Variants in PLEKHA4 observed in about 807,000 individuals in gnomAD.
PLEKHA4 encodes the protein pleckstrin homology domain containing A4.
A neutral mutation model predicts 94.7 loss-of-function variants in PLEKHA4; 73 were observed. The ratio of observed to expected loss-of-function variants is 0.77; its 90% CI spans 0.64 to 0.94. The LOEUF (loss-of-function observed/expected upper bound fraction) is 0.94. PLEKHA4 is among the 40% of genes least tolerant of loss of function. The pLI is 0.00. For synonymous variants in PLEKHA4, 449 were observed against 437.1 expected (o/e 1.03, Z -0.34); for missense variants, 1,049 against 1,054.1 (o/e 1.00, Z 0.07).
At chr19:48,863,524 G>A (rs1428355616) in intron 3 of PLEKHA4, among the ~76,000 whole-genome samples, 2 of 150,770 alleles carry the variant, frequency 1.3e-5, no homozygotes, top group African/African-American at 2.4e-5. Context: ...TCCACCTCCT[G>A]GGTTCACGCC....
At position 48,857,504 on chromosome 19, in the gene PLEKHA4, G is replaced by T; in HGVS notation, c.973-8C>A. ...GGGGGAGCCAGAGTGTGCCTGGGAG[G>T]AACGTTGAAATGGAGATGTTTAGAA... On this transcript the variant is annotated splice_polypyrimidine_tract_variant and splice_region_variant and intron_variant, in intron 8 of 19. Transcript: ENST00000263265. The T allele has an allele frequency of 6.5e-7, 1 of 1,537,290 alleles. No homozygotes were observed. The highest frequency in any genetic ancestry group is 8.9e-7 in the Non-Finnish European group (1 of 1,125,926).
At chr19:48,856,103 G>C (rs958598711) in intron 9 of PLEKHA4, among the ~76,000 whole-genome samples, 63 of 150,992 alleles carry the variant, frequency 4.2e-4, no homozygotes, top group Non-Finnish European at 8.4e-4. Flanking sequence ...ACCCAGGAGG[G>C]GAGGTTGCGG....
chr19:48,859,952 T>A (rs1415206023), intron 6 of PLEKHA4: 1 of 578,874 alleles, frequency 1.7e-6, no homozygotes, highest in East Asian at 2.9e-5. Context: ...AGCCTGATAA[T>A]TGGCGCAGGC....
Position 48,837,460 on chromosome 19 carries a change from A to G in PLEKHA4, c.2169T>C (p.Ser723=). 2 of 1,612,760 alleles carry G rather than the reference A, an allele frequency of 1.2e-6. No individual in the cohort carries two copies. The highest frequency in any genetic ancestry group is 1.7e-6 in the Non-Finnish European group (2 of 1,179,548). The change falls in exon 20 of 20, where the codon TCT becomes TCC. Residue 723 remains serine, a synonymous_variant. Coordinates refer to ENST00000263265, the MANE Select transcript of PLEKHA4 (RefSeq NM_020904.3). The surrounding 1 kb of genome is among the most constrained non-coding windows in gnomAD (Gnocchi z 4.3). ...PTRQETPPPR[S]PPVANSGSTG... ...TGGAACCCGAATTAGCCACCGGGGG[A>G]GATCTGGGGGGAGGGGTCTCCTGGC...
Position 48,838,082 on chromosome 19 carries a change from T to TC in PLEKHA4, c.2011dup (p.Glu671GlyfsTer13), listed in dbSNP as rs1275384023. 5 of 1,608,598 alleles carry TC rather than the reference T, an allele frequency of 3.1e-6. No homozygotes were observed. The African/African-American group carries it at 6.8e-5, about 22-fold the overall frequency. ...GGCTTGGGAGAGGCTGAGAACCCGC[T>TC]CCCGGTGACCTTCGGAAGTCGGCAA... On this transcript the variant is annotated frameshift_variant, in exon 19 of 20. Transcript: ENST00000263265. LOFTEE classifies it high-confidence loss of function.
intron 9 of PLEKHA4, among the ~76,000 whole-genome samples, chr19:48,856,706 A>G (rs958235925): frequency 5.3e-5 from 8 of 151,770 alleles, no homozygotes; most frequent in Non-Finnish European, 1.0e-4. Context: ...CGACAGAGCG[A>G]GACTCTGTCT....
In PLEKHA4 at chr19:48,837,191, C is replaced by T; in HGVS notation, c.*98G>A. The T allele has an allele frequency of 6.3e-7, 1 of 1,574,996 alleles. No individual in the cohort carries two copies. The highest frequency in any genetic ancestry group is 8.7e-7 in the Non-Finnish European group (1 of 1,147,012). ...TCCCCTCCCGGGCCCGCAATGGGGA[C>T]CAGACCACGCCCCCTGATGCCCTGA... On this transcript the variant is annotated 3_prime_UTR_variant, in exon 20 of 20. Transcript: ENST00000263265. The surrounding 1 kb of genome is among the most constrained non-coding windows in gnomAD (Gnocchi z 4.3).
In PLEKHA4 at chr19:48,837,866, C is replaced by T. The variant is rs963913783; in HGVS notation, c.2077+151G>A. ...GACCCCAGTCACCTCTTGCCTGAGA[C>T]CTAAAACTCCCAAACCCTGCCCAAC... On this transcript the variant is annotated intron_variant, in intron 19 of 19. Coordinates refer to ENST00000263265, the MANE Select transcript of PLEKHA4 (RefSeq NM_020904.3). The surrounding 1 kb of genome is among the most constrained non-coding windows in gnomAD (Gnocchi z 4.3). The T allele has an allele frequency of 5.8e-6, 4 of 691,108 alleles. No homozygotes were observed. The highest frequency in any genetic ancestry group is 9.8e-6 in the Non-Finnish European group (4 of 406,184). The allele number at this position is 691,108 out of a possible 1,614,324, so 42.8% of individuals were successfully genotyped here. A position where few individuals can be genotyped will look rare whatever the true frequency, so the allele number is the denominator to read the frequency against.
intron 7 of PLEKHA4, 48 bp downstream of exon 7, chr19:48,859,421 C>T (rs1263124505): frequency 6.3e-7 from 1 of 1,598,954 alleles, no homozygotes; most frequent in Non-Finnish European, 8.5e-7. Context: ...AGTTTCCGGC[C>T]CTGCCCTTCT....
At chr19:48,853,902 T>C in intron 11 of PLEKHA4, 71 bp from the exon 12 acceptor site, 3 of 1,591,062 alleles carry the variant, frequency 1.9e-6, no homozygotes, top group Non-Finnish European at 2.6e-6. Context: ...AAAGATGTCC[T>C]TTCACGTCCT....
intron 3 of PLEKHA4, among the ~76,000 whole-genome samples, chr19:48,864,157 G>A (rs962453642): frequency 3.3e-5 from 5 of 151,028 alleles, no homozygotes; most frequent in South Asian, 2.1e-4. Context: ...TTTTGGATGC[G>A]ATCTGCCTCC....
chr19:48,845,768 G>A (rs144491555), intron 14 of PLEKHA4, 152 bp from the exon 15 acceptor site: 60,386 of 567,718 alleles, frequency 0.11, 4,344 homozygotes, highest in Non-Finnish European at 0.13. Flanking sequence ...TAATCCCAGC[G>A]CTTTGGGAGG....
chr19:48,845,402 G>C lies in PLEKHA4; in HGVS notation c.1711C>G (p.Arg571Gly), dbSNP rs779996458. ...RVSRASSPEG[R>G]HLPSPQLGTK... is the part of the protein sequence containing the mutation. ...CCTAGCTGTGGGGAAGGGAGGTGGC[G>C]ACCCTCAGGGCTGGAAGCCCGGGAG... The change falls in exon 16 of 20, where the codon CGC becomes GGC. Residue 571 changes from arginine (R) to glycine (G), a missense_variant. By Grantham distance (125) the Arg-to-Gly change is moderately radical (BLOSUM62 -2). Coordinates refer to ENST00000263265, the MANE Select transcript of PLEKHA4 (RefSeq NM_020904.3). 3 of 1,613,422 alleles carry C rather than the reference G, an allele frequency of 1.9e-6. No individual in the cohort carries two copies. Among genetic ancestry groups the C allele is most frequent in the Non-Finnish European group, 2.5e-6 (3 of 1,180,006 alleles).
At chr19:48,851,828 T>C (rs1408460084) in intron 13 of PLEKHA4, among the ~76,000 whole-genome samples, 1 of 151,540 alleles carries the variant, frequency 6.6e-6, no homozygotes, top group Non-Finnish European at 1.5e-5. Context: ...CCTGAAATCC[T>C]AGCTACTTGG....
chr19:48,857,949 T>C (rs1259899924), intron 8 of PLEKHA4, among the ~76,000 whole-genome samples: 2 of 151,404 alleles, frequency 1.3e-5, no homozygotes, highest in African/African-American at 2.4e-5. Flanking sequence ...AAAAAGAAAC[T>C]GGCATGTCTT....
rs1174338460 is a variant in PLEKHA4, at chr19:48,845,594, A to G, written c.1589T>C (p.Leu530Pro). ...ERESLPESLE[L>P]SSPRSPETDW... ...AGTCTCGGGGGACCTAGGGGAGCTCAGTTCCAAGGACTCTGGCAGGCTCTG... is the reference window on the plus strand; with the variant it reads ...AGTCTCGGGGGACCTAGGGGAGCTCGGTTCCAAGGACTCTGGCAGGCTCTG... Residue 530 changes from leucine to proline, a missense_variant, in exon 15 of 20, where the codon CTG (leucine) becomes CCG (proline). Leu to Pro is a moderately conservative substitution (Grantham distance 98, BLOSUM62 -3). Coordinates refer to ENST00000263265, the MANE Select transcript of PLEKHA4 (RefSeq NM_020904.3). 4 of 1,598,336 alleles carry G rather than the reference A, an allele frequency of 2.5e-6. No homozygotes were observed. The highest frequency in any genetic ancestry group is 1.7e-4 in the Middle Eastern group (1 of 5,882).
At chr19:48,840,023 G>A (rs78801823) in intron 17 of PLEKHA4, among the ~76,000 whole-genome samples, 12 of 151,822 alleles carry the variant, frequency 7.9e-5, no homozygotes, top group African/African-American at 2.7e-4. Context: ...CAGGAGAATC[G>A]TTTGAACCTG....
At chr19:48,855,882 T>C (rs964703630) in intron 9 of PLEKHA4, among the ~76,000 whole-genome samples, 1 of 151,340 alleles carries the variant, frequency 6.6e-6, no homozygotes, top group Non-Finnish European at 1.5e-5. Flanking sequence ...TAGAAAAAGT[T>C]AGCTAGGTGG....
intron 2 of PLEKHA4, 62 bp from the exon 3 acceptor site, chr19:48,865,672 AG>A: frequency 2.5e-6 from 3 of 1,223,234 alleles, no homozygotes; most frequent in Non-Finnish European, 3.6e-6. Context: ...GGAGGGGGTG[AG>A]GGTGGACACA....
Sources: gnomAD v4.1 joint callset for allele counts (sites outside exome capture counted in the v4.1 genomes callset) on GRCh38, gnomAD v4.1.1 for gene constraint, Gnocchi (gnomAD v3.1) non-coding constraint, MANE v1.5 for transcripts, NCBI Gene and HGNC (gene_info 2026-07-23, HGNC 2026-07-21) for gene names.